Variants in AFG1L observed in about 807,000 individuals in gnomAD.
AFG1L encodes the protein AFG1 like ATPase, also known as AFG1-like ATPase.
A neutral mutation model predicts 62.2 loss-of-function variants in AFG1L; 53 were observed. That is an observed-to-expected ratio of 0.85 (90% CI 0.68 to 1.07). The LOEUF is 1.07. Ranked by LOEUF, AFG1L falls within the 50% of genes least tolerant of loss-of-function variation. The pLI, the probability that AFG1L is intolerant of heterozygous loss-of-function variation, is 0.00. For missense variants in AFG1L, 555 were observed against 590.5 expected (o/e 0.94, Z 0.62); for synonymous variants, 228 against 210.3 (o/e 1.08, Z -0.73).
At chr6:108,318,953 T>G (rs1777708785) in intron 1 of AFG1L, among the ~76,000 whole-genome samples, 1 of 152,234 alleles carries the variant, frequency 6.6e-6, no homozygotes, top group Admixed American at 6.5e-5. Context: ...ATACAGCTGC[T>G]ATCCAGGGCT....
chr6:108,399,082 C>T (rs899939533), intron 6 of AFG1L, among the ~76,000 whole-genome samples: 25 of 151,316 alleles, frequency 1.7e-4, no homozygotes, highest in East Asian at 3.9e-4. Context: ...TCTATGAATA[C>T]GGAATAGCTT....
intron 1 of AFG1L, among the ~76,000 whole-genome samples, chr6:108,309,263 C>CT (rs577533451): frequency 1.4e-3 from 219 of 152,118 alleles, no homozygotes; most frequent in Non-Finnish European, 2.3e-3. Flanking sequence ...TATAGAGCAT[C>CT]TTTTTTTTCT....
chr6:108,310,269 C>T (rs548625757), intron 1 of AFG1L, among the ~76,000 whole-genome samples: 1 of 152,308 alleles, frequency 6.6e-6, no homozygotes, highest in Admixed American at 6.5e-5. Context: ...TGCATCTTCT[C>T]TAACACTAGT....
At chr6:108,467,223 T>C (rs529245722) in intron 8 of AFG1L, among the ~76,000 whole-genome samples, 1 of 152,072 alleles carries the variant, frequency 6.6e-6, no homozygotes, top group African/African-American at 2.4e-5. Context: ...TAATAACTTT[T>C]ACATATTAAA....
chr6:108,327,948 G>A (rs1383112198), intron 2 of AFG1L, among the ~76,000 whole-genome samples: 6 of 152,184 alleles, frequency 3.9e-5, no homozygotes, highest in Admixed American at 3.9e-4. Context: ...CTGCTCCTGT[G>A]AGCATGGCAG....
At chr6:108,345,133 A>T (rs1778817240) in intron 2 of AFG1L, among the ~76,000 whole-genome samples, 1 of 152,184 alleles carries the variant, frequency 6.6e-6, no homozygotes. Flanking sequence ...TTGGTAGGAA[A>T]TCATTTTTCC....
At chr6:108,343,335 A>G (rs1227380786) in intron 2 of AFG1L, among the ~76,000 whole-genome samples, 1 of 147,692 alleles carries the variant, frequency 6.8e-6, no homozygotes, top group Non-Finnish European at 1.5e-5. Context: ...GGTGTGAGCC[A>G]CCACGCCCGG....
intron 7 of AFG1L, among the ~76,000 whole-genome samples, chr6:108,431,742 C>G (rs775447818): frequency 1.3e-5 from 2 of 151,636 alleles, no homozygotes; most frequent in African/African-American, 2.4e-5. Context: ...GCCACCACAC[C>G]TGGCTAATTT....
intron 11 of AFG1L, among the ~76,000 whole-genome samples, chr6:108,517,550 T>G (rs929944631): frequency 6.6e-6 from 1 of 152,162 alleles, no homozygotes; most frequent in South Asian, 2.1e-4. Context: ...CATAAAAACC[T>G]TAGAAGAAAA....
chr6:108,516,116 A>G (rs1310982798), intron 11 of AFG1L, among the ~76,000 whole-genome samples: 2 of 152,234 alleles, frequency 1.3e-5, no homozygotes, highest in African/African-American at 2.4e-5. Flanking sequence ...ATTCCAATCA[A>G]TAGAAAAAGA....
At chr6:108,385,547 A>G (rs191538334) in intron 6 of AFG1L, among the ~76,000 whole-genome samples, 348 of 152,330 alleles carry the variant, frequency 2.3e-3, no homozygotes, top group Middle Eastern at 0.017. Context: ...CTTGCTGTCA[A>G]TAAATATGTG....
intron 10 of AFG1L, among the ~76,000 whole-genome samples, chr6:108,487,921 A>G (rs1023294624): frequency 6.6e-6 from 1 of 152,204 alleles, no homozygotes; most frequent in Non-Finnish European, 1.5e-5. Context: ...TAATCCAGAA[A>G]GAGTCATTTT....
At chr6:108,335,221 T>C (rs894797618) in intron 2 of AFG1L, among the ~76,000 whole-genome samples, 3 of 152,072 alleles carry the variant, frequency 2.0e-5, no homozygotes, top group Admixed American at 2.0e-4. Flanking sequence ...TCTTCCTACC[T>C]TGGCCTCTGA....
intron 11 of AFG1L, among the ~76,000 whole-genome samples, chr6:108,514,110 T>G (rs1326892091): frequency 1.3e-5 from 2 of 152,206 alleles, no homozygotes; most frequent in Non-Finnish European, 2.9e-5. Context: ...AAACCCCATC[T>G]GTACGTCACC....
chr6:108,337,668 G>A (rs865968536), intron 2 of AFG1L, among the ~76,000 whole-genome samples: 2 of 152,120 alleles, frequency 1.3e-5, no homozygotes, highest in South Asian at 2.1e-4. Flanking sequence ...TCTCAAATAC[G>A]ACCCTGACTT....
chr6:108,429,461 T>C (rs1217564452), intron 7 of AFG1L, among the ~76,000 whole-genome samples: 2 of 152,156 alleles, frequency 1.3e-5, no homozygotes, highest in Admixed American at 6.5e-5. Context: ...TCCCCATGAC[T>C]CAATTTCCTC....
At chr6:108,408,941 A>G (rs1041671761) in intron 7 of AFG1L, among the ~76,000 whole-genome samples, 1 of 151,558 alleles carries the variant, frequency 6.6e-6, no homozygotes, top group Non-Finnish European at 1.5e-5. Flanking sequence ...ATTTTGTTTC[A>G]GCTTTCTCTC....
At chr6:108,314,645 C>T (rs929723954) in intron 1 of AFG1L, among the ~76,000 whole-genome samples, 2 of 152,072 alleles carry the variant, frequency 1.3e-5, no homozygotes, top group African/African-American at 2.4e-5. Context: ...GCCATCCGCC[C>T]GCCTCGGCCT....
At chr6:108,404,616 T>C (rs1446379335) in intron 7 of AFG1L, among the ~76,000 whole-genome samples, 1 of 152,146 alleles carries the variant, frequency 6.6e-6, no homozygotes, top group Non-Finnish European at 1.5e-5. Flanking sequence ...AGGGGATACA[T>C]CTCTCACTAT....
Sources: gnomAD v4.1 joint callset for allele counts (sites outside exome capture counted in the v4.1 genomes callset) on GRCh38, gnomAD v4.1.1 for gene constraint, MANE v1.5 for transcripts, NCBI Gene and HGNC (gene_info 2026-07-23, HGNC 2026-07-21) for gene names.